CSMD1: variants seen among roughly 807,000 people sequenced by gnomAD.
The protein encoded by CSMD1 is CUB and Sushi multiple domains 1, also known as CUB and sushi domain-containing protein 1.
A neutral mutation model predicts 417.5 loss-of-function variants in CSMD1; 213 were observed. That is an observed-to-expected ratio of 0.51 (90% CI 0.46 to 0.57). The LOEUF is 0.57. Ranked by LOEUF, CSMD1 falls within the 20% of genes least tolerant of loss-of-function variation. The pLI is 0.00. For missense variants in CSMD1, 6,923 were observed against 4,529.7 expected, an observed-to-expected ratio of 1.53 and a Z score of -15.17; for synonymous variants, 2,862 against 1,736.8, an observed-to-expected ratio of 1.65 and a Z score of -16.11.
intron 2 of CSMD1, among the ~76,000 whole-genome samples, chr8:4,459,592 A>G (rs960860785): frequency 2.0e-5 from 3 of 152,196 alleles, no homozygotes; most frequent in Non-Finnish European, 4.4e-5. Flanking sequence ...CTAGTCTAAG[A>G]TAATAAGAGA....
intron 2 of CSMD1, among the ~76,000 whole-genome samples, chr8:4,445,579 C>A (rs965448112): frequency 6.6e-6 from 1 of 152,094 alleles, no homozygotes; most frequent in African/African-American, 2.4e-5. Context: ...TGAAATAATA[C>A]GCTGGTGTTT....
intron 5 of CSMD1, among the ~76,000 whole-genome samples, chr8:3,839,554 T>A: frequency 1.0e-5 from 1 of 96,336 alleles, no homozygotes. Context: ...ATTATATATA[T>A]ATTATAATAT....
At chr8:3,227,117 T>C (rs1798553345) in intron 27 of CSMD1, among the ~76,000 whole-genome samples, 1 of 152,210 alleles carries the variant, frequency 6.6e-6, no homozygotes, top group East Asian at 1.9e-4. Context: ...ATTTTAAAAA[T>C]GGGCTGGACA....
At chr8:4,908,671 C>T (rs190468038) in intron 1 of CSMD1, among the ~76,000 whole-genome samples, 94 of 151,248 alleles carry the variant, frequency 6.2e-4, no homozygotes, top group South Asian at 2.3e-3. Flanking sequence ...CTTTTCTAGG[C>T]TGTATTCAGT....
chr8:3,298,260 C>A (rs986288582), intron 25 of CSMD1, among the ~76,000 whole-genome samples: 1 of 152,188 alleles, frequency 6.6e-6, no homozygotes, highest in African/African-American at 2.4e-5. Flanking sequence ...AGCATACATA[C>A]ATTCACCAGG....
intron 1 of CSMD1, among the ~76,000 whole-genome samples, chr8:4,655,171 T>C (rs567258472): frequency 2.6e-5 from 4 of 152,242 alleles, no homozygotes; most frequent in South Asian, 4.1e-4. Flanking sequence ...CAAAATGTTA[T>C]TCCTTAAATA....
At chr8:4,345,759 C>G (rs1244323958) in intron 3 of CSMD1, among the ~76,000 whole-genome samples, 1 of 152,088 alleles carries the variant, frequency 6.6e-6, no homozygotes, top group African/African-American at 2.4e-5. Context: ...AATGTGCTAT[C>G]ATCTCAACCC....
rs114504339 is a variant in CSMD1 at position 4,345,982 on chromosome 8, G to A, written c.415+73971C>T. ...CTTCATACTGACTAGATATCATTTG[G>A]AATTTCAGTAGTTCACATTAGTATA... On this transcript the variant is annotated intron_variant, in intron 3 of 69. Coordinates refer to ENST00000635120, the MANE Select transcript of CSMD1 (RefSeq NM_033225.6). Among the ~76,000 whole-genome samples, 66 of 152,218 alleles carry A rather than the reference G, an allele frequency of 4.3e-4. 1 individual carries two copies. Among genetic ancestry groups the A allele is most frequent in the African/African-American group, 1.4e-3 (60 of 41,536 alleles).
At chr8:4,384,180 A>G (rs991540573) in intron 3 of CSMD1, among the ~76,000 whole-genome samples, 21 of 152,172 alleles carry the variant, frequency 1.4e-4, no homozygotes, top group Non-Finnish European at 2.9e-4. Context: ...TAAGAAAGAC[A>G]TCCTGCTCAA....
intron 10 of CSMD1, among the ~76,000 whole-genome samples, chr8:3,526,805 G>C (rs1797772054): frequency 6.6e-6 from 1 of 152,150 alleles, no homozygotes; most frequent in Non-Finnish European, 1.5e-5. Flanking sequence ...GACGACGCTG[G>C]TTATGTATGT....
chr8:3,926,092 C>CCCACACACACACACACCAT, intron 5 of CSMD1, among the ~76,000 whole-genome samples: 1 of 49,532 alleles, frequency 2.0e-5, no homozygotes, highest in Admixed American at 2.3e-4. Context: ...TACACACACA[C>CCCACACACACACACACCAT]ACACACACAC....
chr8:3,827,941 G>C (rs1055356370), intron 5 of CSMD1, among the ~76,000 whole-genome samples: 2 of 152,158 alleles, frequency 1.3e-5, no homozygotes, highest in Non-Finnish European at 2.9e-5. Flanking sequence ...AGAAAATAAA[G>C]TATCTATCCT....
intron 3 of CSMD1, among the ~76,000 whole-genome samples, chr8:4,072,970 T>G (rs969428946): frequency 7.9e-5 from 12 of 152,196 alleles, no homozygotes; most frequent in African/African-American, 2.7e-4. Context: ...GCTCGTGACA[T>G]CAGATTTTGC....
chr8:3,960,042 A>G (rs1057065930), intron 5 of CSMD1, among the ~76,000 whole-genome samples: 1 of 152,206 alleles, frequency 6.6e-6, no homozygotes, highest in Non-Finnish European at 1.5e-5. Flanking sequence ...CCTTCTGGGC[A>G]TCTCAGGGAA....
At chr8:3,271,527 T>G (rs951921589) in intron 26 of CSMD1, among the ~76,000 whole-genome samples, 1 of 148,212 alleles carries the variant, frequency 6.7e-6, no homozygotes, top group Non-Finnish European at 1.5e-5. Context: ...ATGGTTGAAC[T>G]AGTTTATAGT....
chr8:4,368,070 G>T (rs556380738), intron 3 of CSMD1, among the ~76,000 whole-genome samples: 1 of 152,102 alleles, frequency 6.6e-6, no homozygotes, highest in African/African-American at 2.4e-5. Flanking sequence ...GTCAAAGTGC[G>T]CATCCTTGTC....
intron 4 of CSMD1, among the ~76,000 whole-genome samples, chr8:4,021,640 T>C (rs979292888): frequency 2.0e-5 from 3 of 152,148 alleles, no homozygotes; most frequent in Non-Finnish European, 4.4e-5. Context: ...TTTTAAACTC[T>C]CTCTCCCCAT....
chr8:3,005,467 C>A (rs1364926846), intron 52 of CSMD1, among the ~76,000 whole-genome samples: 6 of 151,864 alleles, frequency 4.0e-5, no homozygotes, highest in African/African-American at 9.7e-5. Context: ...GAAACACAAC[C>A]AAAAAAGAGA....
chr8:4,569,772 G>A (rs1325906602), intron 2 of CSMD1, among the ~76,000 whole-genome samples: 1 of 152,158 alleles, frequency 6.6e-6, no homozygotes, highest in Non-Finnish European at 1.5e-5. Flanking sequence ...CTATCCATGA[G>A]CATGGAATTT....
Sources: gnomAD v4.1 joint callset for allele counts (sites outside exome capture counted in the v4.1 genomes callset) on GRCh38, gnomAD v4.1.1 for gene constraint, MANE v1.5 for transcripts, NCBI Gene and HGNC (gene_info 2026-07-23, HGNC 2026-07-21) for gene names.